ANO4: variants seen among roughly 807,000 people sequenced by gnomAD.
ANO4 encodes the protein anoctamin 4.
A neutral mutation model predicts 141.9 loss-of-function variants in ANO4; 69 were observed. The observed-to-expected ratio is 0.49, with a 90% CI of 0.40 to 0.59. The LOEUF is 0.59. ANO4 is among the 20% of genes least tolerant of loss of function. ANO4 has a pLI of 0.00. For synonymous variants in ANO4, 350 were observed against 394.3 expected, an observed-to-expected ratio of 0.89 and a Z score of 1.33; for missense variants, 894 against 1,162.2, an observed-to-expected ratio of 0.77 and a Z score of 3.36.
intron 3 of ANO4, among the ~76,000 whole-genome samples, chr12:100,924,036 T>C (rs958302517): frequency 1.3e-5 from 2 of 152,188 alleles, no homozygotes; most frequent in Non-Finnish European, 1.5e-5. Context: ...TTCTGGATAT[T>C]AGCCCTTTGT....
intron 17 of ANO4, among the ~76,000 whole-genome samples, chr12:101,092,946 G>T (rs2136932406): frequency 6.6e-6 from 1 of 152,244 alleles, no homozygotes; most frequent in Non-Finnish European, 1.5e-5. Context: ...TTAAATAATT[G>T]TAATGTTATA....
intron 1 of ANO4, among the ~76,000 whole-genome samples, chr12:100,817,167 T>C (rs1284459721): frequency 6.6e-6 from 1 of 151,926 alleles, no homozygotes; most frequent in Non-Finnish European, 1.5e-5. Flanking sequence ...GCTATGTAGA[T>C]CTTTCAACAT....
intron 3 of ANO4, among the ~76,000 whole-genome samples, chr12:100,742,094 T>G (rs1356365689): frequency 1.3e-5 from 2 of 152,150 alleles, no homozygotes; most frequent in Non-Finnish European, 2.9e-5. Context: ...CAATAAAATA[T>G]TGATTTGTTC....
chr12:100,819,166 T>A (rs1166566432), intron 1 of ANO4, among the ~76,000 whole-genome samples: 1 of 151,880 alleles, frequency 6.6e-6, no homozygotes, highest in Non-Finnish European at 1.5e-5. Context: ...TAATTTTCAA[T>A]GTCTTATATA....
intron 5 of ANO4, among the ~76,000 whole-genome samples, chr12:100,967,625 C>A (rs1337210536): frequency 6.6e-5 from 10 of 151,616 alleles, no homozygotes; most frequent in African/African-American, 2.4e-4. Context: ...CATAGATATT[C>A]ATCGCCATTC....
rs267603265 is a variant in ANO4 at position 101,126,949 on chromosome 12, G to A, written c.2747G>A (p.Arg916Gln). ...GACCTCCCAAAAGACCTAAGGGATC[G>A]AATGAGAAGAGAGAAGTACTTGATT... ...IPDLPKDLRDRMRREKYLIQE... is the reference protein window; with the variant it reads ...IPDLPKDLRDQMRREKYLIQE... Residue 916 changes from arginine to glutamine, a missense_variant, in exon 27 of 28, where the codon CGA becomes CAA. By Grantham distance (43) the Arg-to-Gln change is conservative. Around this residue, in one of 2 missense-constraint regions of ANO4, gnomAD observed 637 missense variants for 909.2 expected, o/e 0.70. Coordinates refer to ENST00000392977, the MANE Select transcript of ANO4 (RefSeq NM_001286615.2). 1.9e-5 allele frequency: 30 copies of A among 1,614,022 alleles called. No homozygotes were observed. Among genetic ancestry groups the A allele is most frequent in the Admixed American group, 3.3e-5 (2 of 60,004 alleles).
chr12:100,840,467 CAGAG>C (rs369615600), intron 1 of ANO4, among the ~76,000 whole-genome samples: 34 of 152,008 alleles, frequency 2.2e-4, no homozygotes, highest in African/African-American at 7.7e-4. Context: ...AACTGAGACA[CAGAG>C]AGAGTAAATG....
chr12:100,812,548 AAAG>A (rs1223738744), intron 1 of ANO4, among the ~76,000 whole-genome samples: 2 of 152,196 alleles, frequency 1.3e-5, no homozygotes, highest in Non-Finnish European at 2.9e-5. Flanking sequence ...GGTCAGAAGT[AAAG>A]AAGAGGTGGG....
intron 1 of ANO4, among the ~76,000 whole-genome samples, chr12:100,874,894 CT>C (rs2039219107): frequency 1.3e-5 from 2 of 152,068 alleles, no homozygotes; most frequent in Admixed American, 1.3e-4. Flanking sequence ...CTGATTTCTC[CT>C]TTTGATTGGG....
chr12:101,029,662 A>G (rs190816551), intron 9 of ANO4, among the ~76,000 whole-genome samples: 317 of 152,320 alleles, frequency 2.1e-3, no homozygotes, highest in Middle Eastern at 6.8e-3. Flanking sequence ...CTATAATCCC[A>G]GCACTTTGGG....
intron 8 of ANO4, among the ~76,000 whole-genome samples, chr12:100,993,999 G>A (rs2045259409): frequency 1.3e-5 from 2 of 152,194 alleles, no homozygotes; most frequent in Non-Finnish European, 2.9e-5. Context: ...ACTCCTTGTT[G>A]TAGGGAAGAG....
chr12:101,022,105 A>T (rs1250142388), intron 9 of ANO4, among the ~76,000 whole-genome samples: 1 of 150,774 alleles, frequency 6.6e-6, no homozygotes, highest in South Asian at 2.1e-4. Flanking sequence ...TATAACATGG[A>T]GAAATAGATA....
chr12:100,947,718 T>A (rs1192318986), intron 5 of ANO4, among the ~76,000 whole-genome samples: 1 of 152,214 alleles, frequency 6.6e-6, no homozygotes, highest in Admixed American at 6.5e-5. Flanking sequence ...ATGCTCACAT[T>A]TATTAATCAC....
chr12:101,109,254 T>C (rs2050567228), intron 22 of ANO4, among the ~76,000 whole-genome samples: 1 of 152,194 alleles, frequency 6.6e-6, no homozygotes, highest in South Asian at 2.1e-4. Context: ...ATATTTACTT[T>C]GATCACTTGG....
At chr12:101,066,820 C>A in intron 14 of ANO4, 3 of 1,407,508 alleles carry the variant, frequency 2.1e-6, no homozygotes, top group South Asian at 2.3e-5. Flanking sequence ...ATGTTGATCC[C>A]TCACTTCAGA....
intron 13 of ANO4, chr12:101,048,004 T>C (rs1182021796): frequency 9.7e-7 from 1 of 1,025,808 alleles, no homozygotes; most frequent in Admixed American, 5.6e-5. Context: ...ACCTTCCTGG[T>C]CCTAAATATA....
Position 101,042,469 on chromosome 12 carries a change from G to A in ANO4, c.1154+1G>A, listed in dbSNP as rs754981346. On this transcript the variant is annotated splice_donor_variant, in intron 12 of 27. Transcript: ENST00000392977. LOFTEE classifies it high-confidence loss of function. ...CCACTCTGGATCACAGCCAAGTCAG[G>A]TACGGGGAGCTCTTGGATGAGTTTG... The A allele has an allele frequency of 6.2e-7, 1 of 1,614,086 alleles. No individual in the cohort carries two copies.
At chr12:101,046,345 C>T (rs1180114087) in intron 13 of ANO4, among the ~76,000 whole-genome samples, 2 of 152,160 alleles carry the variant, frequency 1.3e-5, no homozygotes, top group African/African-American at 4.8e-5. Context: ...AATACCAGCA[C>T]CTGTGGTGTG....
At chr12:101,044,645 T>A (rs2047550699) in intron 13 of ANO4, among the ~76,000 whole-genome samples, 2 of 152,228 alleles carry the variant, frequency 1.3e-5, no homozygotes, top group Admixed American at 6.5e-5. Context: ...AGGGAACATT[T>A]GATAGGCAAC....
Sources: allele counts gnomAD v4.1 joint callset (sites outside exome capture counted in the v4.1 genomes callset), GRCh38; gene constraint gnomAD v4.1.1; regional missense constraint gnomAD v4.1.1; transcripts MANE v1.5; gene names NCBI Gene and HGNC (gene_info 2026-07-23, HGNC 2026-07-21).